The following ZSWIM8 variants were observed in gnomAD, a reference collection of about 807,000 sequenced individuals.
The protein encoded by ZSWIM8 is zinc finger SWIM domain-containing protein 8.
A neutral mutation model predicts 173.7 loss-of-function variants in ZSWIM8; 27 were observed. The ratio of observed to expected loss-of-function variants is 0.16; its 90% CI spans 0.11 to 0.21. The LOEUF is 0.21. Among genes scored for constraint, ZSWIM8 ranks in the 10% least tolerant of loss-of-function variants. ZSWIM8 has a pLI of 1.00. For missense variants in ZSWIM8, 1,627 were observed against 2,428.8 expected (o/e 0.67, Z 6.94); for synonymous variants, 958 against 962.0 (o/e 1.00, Z 0.08).
intron 14 of ZSWIM8, 60 bp from the exon 15 acceptor site, chr10:73,795,479 C>T: frequency 6.2e-7 from 1 of 1,602,974 alleles, no homozygotes; most frequent in Admixed American, 1.7e-5. Flanking sequence ...TGGCCTCTTA[C>T]CTTTGCTGTC....
In ZSWIM8 at chr10:73,799,738, C is replaced by CT. The variant is rs2083838245; in HGVS notation, c.4665+249dup. On this transcript the variant is annotated intron_variant, in intron 21 of 25. Coordinates refer to ENST00000604729, the MANE Select transcript of ZSWIM8 (RefSeq NM_001367799.1). ...TTGAGGTCAGGAGTTCGAGACCAGC[C>CT]TGGCCAACATGGGGAAACCCCGTCT... 1.2e-5 allele frequency: 8 copies of CT among 643,788 alleles called. 1 individual carries two copies. The South Asian group carries it at 1.6e-4, about 13-fold the overall frequency. 39.9% of individuals were successfully genotyped at this position (643,788 alleles called of 1,614,324 possible).
intron 15 of ZSWIM8, 26 bp downstream of exon 15, chr10:73,795,689 G>A: frequency 6.2e-7 from 1 of 1,603,706 alleles, no homozygotes; most frequent in Non-Finnish European, 8.5e-7. Context: ...TGGGTGCGGT[G>A]GCTCATGCCT....
Position 73,789,985 on chromosome 10 carries a change from C to T in ZSWIM8, c.768C>T (p.Asp256=), listed in dbSNP as rs753132557. ...TCCCCACAGCTCAGCGTCTCCTGGA[C>T]GAACTCCTGTCTTCCCAGTCAACAG... ...QILPTAQRLL[D]ELLSSQSTAI... Residue 256 remains aspartate (D), a synonymous_variant, in exon 6 of 26, where the codon GAC becomes GAT. Transcript: ENST00000604729. The surrounding 1 kb of genome is among the most constrained non-coding windows in gnomAD (Gnocchi z 6.8). 3.1e-6 allele frequency: 5 copies of T among 1,613,308 alleles called. No individual in the cohort carries two copies. In the East Asian group the frequency reaches 6.7e-5, roughly 22 times the overall value.
chr10:73,801,586 G>A lies in ZSWIM8; in HGVS notation c.*67G>A, dbSNP rs2083966682. On this transcript the variant is annotated 3_prime_UTR_variant, in exon 26 of 26. Coordinates refer to ENST00000604729, the MANE Select transcript of ZSWIM8 (RefSeq NM_001367799.1). The surrounding 1 kb of genome is among the most constrained non-coding windows in gnomAD (Gnocchi z 4.9). ...GGCTATGGGGGCCCCTCACACAGGGGGAGTGAAACTTGGCTGGACAGATCA... is the reference window on the plus strand; with the variant it reads ...GGCTATGGGGGCCCCTCACACAGGGAGAGTGAAACTTGGCTGGACAGATCA... The A allele has an allele frequency of 6.3e-7, 1 of 1,575,924 alleles. No individual in the cohort carries two copies. The highest frequency in any genetic ancestry group is 8.6e-7 in the Non-Finnish European group (1 of 1,164,426).
chr10:73,798,899 C>A, intron 20 of ZSWIM8, 103 bp from the exon 21 acceptor site: 1 of 1,463,494 alleles, frequency 6.8e-7, no homozygotes, highest in Non-Finnish European at 9.2e-7. Flanking sequence ...CTGATGATTC[C>A]CTGGGAATGA....
Position 73,791,190 on chromosome 10 carries a change from G to A in ZSWIM8, c.1143+14G>A, listed in dbSNP as rs199564293. ...ACCTATGAACAGGTAATCACTCAGC[G>A]TTGGGGAGCCCCGTGGTAGCTCATT... On this transcript the variant is annotated intron_variant, in intron 8 of 25. Coordinates refer to ENST00000604729, the MANE Select transcript of ZSWIM8 (RefSeq NM_001367799.1). This position sits in a 1 kb window ranked among gnomAD's most constrained non-coding sequence, Gnocchi z 6.0. The A allele has an allele frequency of 3.0e-5, 47 of 1,585,770 alleles. No homozygotes were observed. The South Asian group carries it at 3.9e-4, about 13-fold the overall frequency.
chr10:73,787,189 G>A (rs562484249), intron 1 of ZSWIM8, among the ~76,000 whole-genome samples: 8 of 152,172 alleles, frequency 5.3e-5, no homozygotes, highest in South Asian at 2.1e-4. Flanking sequence ...GGTGATCTGC[G>A]CGCCTCGGCC....
chr10:73,795,745 C>T, intron 15 of ZSWIM8, 82 bp downstream of exon 15: 1 of 1,472,110 alleles, frequency 6.8e-7, no homozygotes, highest in Non-Finnish European at 9.1e-7. Context: ...ATGGCTTGAG[C>T]CCAGGAGTTT....
intron 19 of ZSWIM8, 76 bp downstream of exon 19, chr10:73,798,146 ACTGAT>A (rs2132783088): frequency 1.3e-5 from 21 of 1,592,864 alleles, no homozygotes; most frequent in Non-Finnish European, 1.7e-5. Flanking sequence ...TTGTGGGGTT[ACTGAT>A]CTGATAAAAA....
chr10:73,792,924 G>A lies in ZSWIM8; in HGVS notation c.2313+72G>A. The A allele has an allele frequency of 6.8e-7, 1 of 1,481,162 alleles. No individual in the cohort carries two copies. The highest frequency in any genetic ancestry group is 1.3e-5 in the South Asian group (1 of 74,386). 91.8% of individuals were successfully genotyped at this position (1,481,162 alleles called of 1,614,324 possible). A position where few individuals can be genotyped will look rare whatever the true frequency, so the allele number is the denominator to read the frequency against. On this transcript the variant is annotated intron_variant, in intron 10 of 25. Transcript: ENST00000604729. This position sits in a 1 kb window ranked among gnomAD's most constrained non-coding sequence, Gnocchi z 4.3. ...TGGGAGGGGCTATCTAGCTCTAGTT[G>A]GGAGTGTCAGGACCATCAGCAGGAT...
At chr10:73,788,079 C>T (rs147262275) in intron 1 of ZSWIM8, among the ~76,000 whole-genome samples, 8 of 151,956 alleles carry the variant, frequency 5.3e-5, no homozygotes, top group African/African-American at 1.2e-4. Context: ...AGGTGCCCTG[C>T]GATAACTCTC....
chr10:73,799,565 C>G, intron 21 of ZSWIM8, 75 bp downstream of exon 21: 2 of 1,549,352 alleles, frequency 1.3e-6, no homozygotes, highest in Non-Finnish European at 1.8e-6. Flanking sequence ...AGTGGGTACT[C>G]TGGGAGTATA....
Position 73,789,390 on chromosome 10 carries a change from G to T in ZSWIM8, c.481G>T (p.Val161Leu). 6.4e-7 allele frequency: 1 copy of T among 1,569,068 alleles called. No individual in the cohort carries two copies. Among genetic ancestry groups the T allele is most frequent in the Non-Finnish European group, 8.6e-7 (1 of 1,156,654 alleles). Residue 161 changes from valine (V) to leucine (L), a missense_variant, in exon 4 of 26, where the codon GTG becomes TTG. Transcript: ENST00000604729. This position sits in a 1 kb window ranked among gnomAD's most constrained non-coding sequence, Gnocchi z 6.8. ...QIGFHLSATV[V>L]PPQMVPPKGA... The stretch of plus-strand genomic sequence containing the variant: ...AGGGTTCCACCTGAGTGCTACAGTG[G>T]TGCCACCTCAGATGGTCCCTCCTAA...
Position 73,792,345 on chromosome 10 carries a change from A to G in ZSWIM8, c.1806A>G (p.Gly602=), listed in dbSNP as rs1589566179. The change falls in exon 10 of 26, where the codon GGA becomes GGG. Residue 602 remains glycine (G), a synonymous_variant. Transcript: ENST00000604729. The surrounding 1 kb of genome is among the most constrained non-coding windows in gnomAD (Gnocchi z 4.3). ...GSGSKGSAGG[G]SKRRLSSEDS... is the part of the protein sequence containing the mutation. Reference sequence around the variant, plus strand: ...GGAGCAAGGGCTCAGCAGGTGGCGGAAGCAAGCGACGGCTGAGCAGCGAAG... The same window carrying G: ...GGAGCAAGGGCTCAGCAGGTGGCGGGAGCAAGCGACGGCTGAGCAGCGAAG... 6.2e-7 allele frequency: 1 copy of G among 1,612,356 alleles called. No individual in the cohort carries two copies. Among genetic ancestry groups the G allele is most frequent in the Non-Finnish European group, 8.5e-7 (1 of 1,179,256 alleles).
At chr10:73,799,908 A>C (rs948575796) in intron 21 of ZSWIM8, 103 bp from the exon 22 acceptor site, 5 of 1,250,564 alleles carry the variant, frequency 4.0e-6, no homozygotes, top group African/African-American at 1.5e-5. Context: ...GCGAGACTCT[A>C]TCTCAAAAAA....
intron 7 of ZSWIM8, 36 bp downstream of exon 7, chr10:73,790,328 G>C (rs2083372957): frequency 5.8e-6 from 9 of 1,561,308 alleles, no homozygotes; most frequent in Non-Finnish European, 7.8e-6. Context: ...GTCTGTGGTG[G>C]AGGGGGAGCG....
At chr10:73,793,335 AGG>A (rs1382170737) in intron 10 of ZSWIM8, among the ~76,000 whole-genome samples, 1 of 152,218 alleles carries the variant, frequency 6.6e-6, no homozygotes, top group African/African-American at 2.4e-5. Flanking sequence ...CACTTCCTCT[AGG>A]GAGTCTCTCT....
In ZSWIM8 at chr10:73,801,600, C is replaced by T. The variant is rs1255635848; in HGVS notation, c.*81C>T. On this transcript the variant is annotated 3_prime_UTR_variant, in exon 26 of 26. Coordinates refer to ENST00000604729, the MANE Select transcript of ZSWIM8 (RefSeq NM_001367799.1). This position sits in a 1 kb window ranked among gnomAD's most constrained non-coding sequence, Gnocchi z 4.9. ...CTCACACAGGGGGAGTGAAACTTGG[C>T]TGGACAGATCATCCTCACTCAGTTC... The T allele has an allele frequency of 6.4e-7, 1 of 1,556,174 alleles. No individual in the cohort carries two copies.
At position 73,801,329 on chromosome 10, in the gene ZSWIM8, G is replaced by A. The variant is rs2083952795; in HGVS notation, c.5315G>A (p.Arg1772His). The A allele has an allele frequency of 2.5e-6, 4 of 1,613,846 alleles. No homozygotes were observed. Among genetic ancestry groups the A allele is most frequent in the Non-Finnish European group, 2.5e-6 (3 of 1,179,802 alleles). ...ATCCTCCTCCAGTACATCCACCACC[G>A]CTTGATTCACCTGACTCCTGCGGAC... ...QQAYMQYIHH[R>H]LIHLTPADYD... Residue 1772 changes from arginine (R) to histidine (H), a missense_variant, in exon 26 of 26, where the codon CGC (arginine) becomes CAC (histidine). Transcript: ENST00000604729. This position sits in a 1 kb window ranked among gnomAD's most constrained non-coding sequence, Gnocchi z 4.9.
Sources: gnomAD v4.1 joint callset for allele counts (sites outside exome capture counted in the v4.1 genomes callset) on GRCh38, gnomAD v4.1.1 for gene constraint, Gnocchi (gnomAD v3.1) non-coding constraint, MANE v1.5 for transcripts, NCBI Gene and HGNC (gene_info 2026-07-23, HGNC 2026-07-21) for gene names.